Variants in GOLM2 observed in about 807,000 individuals in gnomAD.
The protein encoded by GOLM2 is golgi membrane protein 2.
In GOLM2, 26 loss-of-function variants were observed where a neutral mutation model predicts 55.9. The ratio of observed to expected loss-of-function variants is 0.47; its 90% CI spans 0.34 to 0.65. GOLM2 has a LOEUF of 0.65. GOLM2 is among the 30% of genes least tolerant of loss of function. The pLI is 0.01. For synonymous variants in GOLM2, 165 were observed against 194.6 expected (o/e 0.85, Z 1.27); for missense variants, 486 against 531.8 (o/e 0.91, Z 0.85).
In GOLM2 at chr15:44,300,257, G is replaced by A. The variant is rs1371561906; in HGVS notation, c.327+10901G>A. Among the ~76,000 whole-genome samples the A allele has an allele frequency of 4.0e-5, 6 of 151,040 alleles. 1 individual carries two copies. Among genetic ancestry groups the A allele is most frequent in the Non-Finnish European group, 1.5e-5 (1 of 67,832 alleles). On this transcript the variant is annotated intron_variant, in intron 1 of 9. Transcript: ENST00000299957. ...GGGAAGAAAGAAAAGAAAGGAAGAA[G>A]GGAGGGAGGAAGGAAGGAAGAAGTT... is the stretch of plus-strand genomic sequence containing the variant.
At chr15:44,335,433 T>A (rs1317966134) in intron 4 of GOLM2, among the ~76,000 whole-genome samples, 1 of 152,214 alleles carries the variant, frequency 6.6e-6, no homozygotes, top group African/African-American at 2.4e-5. Flanking sequence ...ATACAACATC[T>A]TTGTTAACTA....
At chr15:44,312,399 T>C (rs1481152512) in intron 1 of GOLM2, among the ~76,000 whole-genome samples, 1 of 152,112 alleles carries the variant, frequency 6.6e-6, no homozygotes, top group Non-Finnish European at 1.5e-5. Flanking sequence ...TAGGTGATCT[T>C]GTCTCCTGCT....
At chr15:44,322,821 A>AT (rs1165507334) in intron 1 of GOLM2, 144 bp from the exon 2 acceptor site, 63 of 507,088 alleles carry the variant, frequency 1.2e-4, no homozygotes, top group African/African-American at 4.1e-4. Context: ...ATTATTGCTG[A>AT]TTTTTTTTGG....
chr15:44,330,035 C>A (rs913731907), intron 3 of GOLM2, among the ~76,000 whole-genome samples: 13 of 150,214 alleles, frequency 8.7e-5, no homozygotes, highest in Admixed American at 2.0e-4. Flanking sequence ...CTCAGCCTCC[C>A]GAGTAGCTGG....
At chr15:44,382,534 C>T (rs192826528) in intron 8 of GOLM2, among the ~76,000 whole-genome samples, 1 of 152,128 alleles carries the variant, frequency 6.6e-6, no homozygotes, top group East Asian at 1.9e-4. Context: ...ACCGTGTTGG[C>T]CAGGCTAGTC....
chr15:44,381,655 A>C (rs2079404046), intron 8 of GOLM2, among the ~76,000 whole-genome samples: 1 of 152,186 alleles, frequency 6.6e-6, no homozygotes, highest in African/African-American at 2.4e-5. Context: ...AGTCACCAGG[A>C]GTAAGATCAA....
chr15:44,327,162 G>A (rs999788710), intron 2 of GOLM2, among the ~76,000 whole-genome samples: 2 of 151,166 alleles, frequency 1.3e-5, no homozygotes, highest in African/African-American at 2.4e-5. Flanking sequence ...TGTTGGCCAG[G>A]CTGGTCTCGA....
chr15:44,318,672 G>A (rs1293432809), intron 1 of GOLM2, among the ~76,000 whole-genome samples: 2 of 148,682 alleles, frequency 1.3e-5, no homozygotes, highest in Non-Finnish European at 3.0e-5. Flanking sequence ...TTGGGTCGCT[G>A]CACTCCAGCC....
chr15:44,362,464 A>T (rs1218404612), intron 6 of GOLM2, among the ~76,000 whole-genome samples: 1 of 150,908 alleles, frequency 6.6e-6, no homozygotes, highest in Non-Finnish European at 1.5e-5. Flanking sequence ...AGAATAAAAT[A>T]CCTAGGAATC....
chr15:44,301,924 A>G (rs563627236), intron 1 of GOLM2, among the ~76,000 whole-genome samples: 1 of 151,768 alleles, frequency 6.6e-6, no homozygotes, highest in Non-Finnish European at 1.5e-5. Context: ...AAAAAAAAAA[A>G]AAACTTAGGA....
chr15:44,368,528 A>T (rs2079301862), intron 6 of GOLM2, among the ~76,000 whole-genome samples: 3 of 151,762 alleles, frequency 2.0e-5, no homozygotes, highest in Admixed American at 6.6e-5. Context: ...CTTCAAGTTC[A>T]TTGACCCCTT....
chr15:44,394,002 A>G (rs1004453023), intron 8 of GOLM2, among the ~76,000 whole-genome samples: 6 of 152,212 alleles, frequency 3.9e-5, no homozygotes, highest in Middle Eastern at 3.4e-3. Context: ...CTACTGTGCT[A>G]TTTTATACAA....
At chr15:44,320,045 A>C (rs1458758995) in intron 1 of GOLM2, among the ~76,000 whole-genome samples, 3 of 152,216 alleles carry the variant, frequency 2.0e-5, no homozygotes, top group Non-Finnish European at 4.4e-5. Context: ...CACCCCCAAA[A>C]GAAACCTTGT....
chr15:44,288,995 G>A lies in GOLM2; in HGVS notation c.-35G>A. 1 of 1,569,806 alleles carries A rather than the reference G, an allele frequency of 6.4e-7. No individual in the cohort carries two copies. The highest frequency in any genetic ancestry group is 1.2e-5 in the South Asian group (1 of 86,270). On this transcript the variant is annotated 5_prime_UTR_variant, in exon 1 of 10. Coordinates refer to ENST00000299957, the MANE Select transcript of GOLM2 (RefSeq NM_138423.4). ...TGGGCTTCTGCCTGCAGGTGTCTGC[G>A]GCGAGGCCCCTAGGGTACAGCCCGA...
chr15:44,326,177 G>A (rs1015555255), intron 2 of GOLM2, among the ~76,000 whole-genome samples: 2 of 150,780 alleles, frequency 1.3e-5, no homozygotes, highest in South Asian at 2.1e-4. Flanking sequence ...CAGGAGAATC[G>A]CTTGAACCTG....
At chr15:44,388,777 A>G (rs974985110) in intron 8 of GOLM2, among the ~76,000 whole-genome samples, 1 of 152,056 alleles carries the variant, frequency 6.6e-6, no homozygotes, top group African/African-American at 2.4e-5. Flanking sequence ...CCTCTTGAGT[A>G]GCTGGGATTT....
chr15:44,315,403 C>G (rs2078902616), intron 1 of GOLM2, among the ~76,000 whole-genome samples: 1 of 152,072 alleles, frequency 6.6e-6, no homozygotes, highest in Non-Finnish European at 1.5e-5. Flanking sequence ...AAGGTTCCCC[C>G]AAATGGAAAG....
At chr15:44,410,928 C>T (rs1211041820) in intron 9 of GOLM2, among the ~76,000 whole-genome samples, 11 of 128,162 alleles carry the variant, frequency 8.6e-5, no homozygotes, top group Non-Finnish European at 1.5e-4. Flanking sequence ...AAAAAAGGTG[C>T]AAAATGGTTA....
At chr15:44,326,977 C>G (rs1361178925) in intron 2 of GOLM2, among the ~76,000 whole-genome samples, 2 of 140,284 alleles carry the variant, frequency 1.4e-5, no homozygotes, top group Admixed American at 1.5e-4. Context: ...TTTTTTTTGT[C>G]TCGCTCTGTC....
Sources: allele counts gnomAD v4.1 joint callset (sites outside exome capture counted in the v4.1 genomes callset), GRCh38; gene constraint gnomAD v4.1.1; transcripts MANE v1.5; gene names NCBI Gene and HGNC (gene_info 2026-07-23, HGNC 2026-07-21).